The following NAV1 variants were observed in gnomAD, a reference collection of about 807,000 sequenced individuals.
NAV1 encodes the protein neuron navigator 1.
A neutral mutation model predicts 175.2 loss-of-function variants in NAV1; 18 were observed. The observed-to-expected ratio is 0.10, with a 90% CI of 0.07 to 0.15. NAV1 has a LOEUF of 0.15. Among genes scored for constraint, NAV1 ranks in the 10% least tolerant of loss-of-function variants. NAV1 has a pLI of 1.00. For synonymous variants in NAV1, 897 were observed against 978.7 expected (o/e 0.92, Z 1.56); for missense variants, 1,731 against 2,436.6 (o/e 0.71, Z 6.10).
intron 1 of NAV1, among the ~76,000 whole-genome samples, chr1:201,570,479 T>G (rs1558001372): frequency 6.6e-6 from 1 of 152,236 alleles, no homozygotes; most frequent in Non-Finnish European, 1.5e-5. Flanking sequence ...AGGCCTGCCC[T>G]GGGAGTACCT....
intron 3 of NAV1, among the ~76,000 whole-genome samples, chr1:201,757,615 C>T (rs1270252657): frequency 1.3e-5 from 2 of 152,228 alleles, no homozygotes; most frequent in African/African-American, 4.8e-5. Flanking sequence ...CCATACTCTA[C>T]ATCTCCAGTG....
chr1:201,701,353 G>A (rs1402415567), intron 1 of NAV1, among the ~76,000 whole-genome samples: 2 of 151,582 alleles, frequency 1.3e-5, no homozygotes, highest in African/African-American at 4.8e-5. Flanking sequence ...CATAGCACAT[G>A]TATACCTATG....
Position 201,718,554 on chromosome 1 carries a change from C to G in NAV1, c.1025C>G (p.Thr342Arg). 6.2e-7 allele frequency: 1 copy of G among 1,613,600 alleles called. No homozygotes were observed. The highest frequency in any genetic ancestry group is 8.5e-7 in the Non-Finnish European group (1 of 1,179,802). Residue 342 changes from threonine (T) to arginine (R), a missense_variant, in exon 3 of 30, where the codon ACG (threonine) becomes AGG (arginine). This residue lies in a region of NAV1 where 487 missense variants were observed against 581.3 expected (regional missense o/e 0.84). Coordinates refer to ENST00000367296, the Ensembl canonical transcript of NAV1. This position sits in a 1 kb window ranked among gnomAD's most constrained non-coding sequence, Gnocchi z 4.8. ...GGTGGGAGCTGCCGCTCGGAGGGGA[C>G]GCCCGCCTGGTACATGCACGGCGAA...
At position 201,588,451 on chromosome 1, in the gene NAV1, G is replaced by T. The variant is rs148898046; in HGVS notation, c.-143-88G>T. On this transcript the variant is annotated intron_variant, in intron 1 of 33. Coordinates refer to the NAV1 transcript ENST00000685211. ...CAGCCTCAAACTCCTGGGCTCAAGCGATCCTCCCACCTCAGCTTCCTGAGT... is the reference window on the plus strand; with the variant it reads ...CAGCCTCAAACTCCTGGGCTCAAGCTATCCTCCCACCTCAGCTTCCTGAGT... 1.5e-3 allele frequency among the ~76,000 whole-genome samples: 229 copies of T among 151,896 alleles called. 3 individuals carry two copies. Among genetic ancestry groups the T allele is most frequent in the African/African-American group, 5.3e-3 (219 of 41,408 alleles).
exon 1 of NAV1, chr1:201,648,846 A>T: frequency 6.2e-7 from 1 of 1,610,192 alleles, no homozygotes; most frequent in African/African-American, 1.3e-5. Context: ...GGCCAAGGCC[A>T]GCGCGGCTGA....
At chr1:201,622,146 T>G (rs3820433), upstream of NAV1, among the ~76,000 whole-genome samples, 23,219 of 116,030 alleles carry the variant, frequency 0.2, 3,310 homozygotes, top group African/African-American at 0.44. Flanking sequence ...AGTTTTGTCA[T>G]GGGGGGAGGT....
At chr1:201,674,481 A>G (rs1190123969) in intron 1 of NAV1, among the ~76,000 whole-genome samples, 2 of 152,136 alleles carry the variant, frequency 1.3e-5, no homozygotes, top group Non-Finnish European at 2.9e-5. Context: ...CCAGCAAAAC[A>G]TGTATGTTAG....
chr1:201,709,715 C>G (rs1424027687), intron 1 of NAV1, among the ~76,000 whole-genome samples: 1 of 152,180 alleles, frequency 6.6e-6, no homozygotes, highest in Admixed American at 6.5e-5. Context: ...CAGGGCCCCT[C>G]CAGCCTGGTA....
rs560134660 is a variant in NAV1 at position 201,740,838 on chromosome 1, C to T, written c.1226+22083C>T. Among the ~76,000 whole-genome samples, 1 of 152,094 alleles carries T rather than the reference C, an allele frequency of 6.6e-6. No individual in the cohort carries two copies. The highest frequency in any genetic ancestry group is 1.5e-5 in the Non-Finnish European group (1 of 68,004). ...CTGGCCCTGGGACTCTCTGAGCTGA[C>T]TTGGAAACTGCACTTCCAAGGGAGA... On this transcript the variant is annotated intron_variant, in intron 3 of 29. Coordinates refer to ENST00000367296, the Ensembl canonical transcript of NAV1. The surrounding 1 kb of genome is among the most constrained non-coding windows in gnomAD (Gnocchi z 4.7).
chr1:201,559,841 C>G (rs1394143420), intron 1 of NAV1, among the ~76,000 whole-genome samples: 4 of 152,230 alleles, frequency 2.6e-5, no homozygotes, highest in Admixed American at 1.3e-4. Context: ...CCAGAGGGTG[C>G]AGTTGCCCAG....
chr1:201,575,070 A>G (rs1666656789), intron 1 of NAV1, among the ~76,000 whole-genome samples: 1 of 152,216 alleles, frequency 6.6e-6, no homozygotes, highest in Non-Finnish European at 1.5e-5. Flanking sequence ...TTCAACCTAG[A>G]TGGTGCTTTC....
At chr1:201,727,890 G>A (rs930827215) in intron 3 of NAV1, among the ~76,000 whole-genome samples, 7 of 152,118 alleles carry the variant, frequency 4.6e-5, no homozygotes, top group East Asian at 3.9e-4. Context: ...TTGGGTCTGC[G>A]TTTCAAGCCT....
At chr1:201,756,242 C>T (rs1345939058) in intron 3 of NAV1, among the ~76,000 whole-genome samples, 4 of 150,974 alleles carry the variant, frequency 2.6e-5, no homozygotes, top group Non-Finnish European at 5.9e-5. Flanking sequence ...AAAAAATAAA[C>T]AAATATGGGC....
At chr1:201,551,748 C>T (rs192881408) in intron 1 of NAV1, among the ~76,000 whole-genome samples, 31 of 152,252 alleles carry the variant, frequency 2.0e-4, no homozygotes, top group African/African-American at 7.2e-4. Context: ...AAAAGTGTTA[C>T]GTTTTGAGGT....
chr1:201,715,688 C>T (rs950959137), intron 2 of NAV1, among the ~76,000 whole-genome samples: 1 of 152,230 alleles, frequency 6.6e-6, no homozygotes, highest in African/African-American at 2.4e-5. Flanking sequence ...AGAACACACA[C>T]AAGCTTCATC....
In NAV1 at chr1:201,585,413, T is replaced by C. The variant is rs141848457; in HGVS notation, c.-143-3126T>C. ...TGATCTACATGAACATAGGAAAGGC[T>C]CTGAGAAGCTCTTCATTCACAGACA... On this transcript the variant is annotated intron_variant, in intron 1 of 33. Transcript: ENST00000685211. Among the ~76,000 whole-genome samples, 656 of 152,174 alleles carry C rather than the reference T, an allele frequency of 4.3e-3. 3 individuals are homozygous for C. Among genetic ancestry groups the C allele is most frequent in the Non-Finnish European group, 6.9e-3 (468 of 68,016 alleles).
chr1:201,808,866 A>G lies in NAV1; in HGVS notation c.4202A>G (p.Asp1401Gly). ...CATTCCTTCGGCCCCAGTCTTGCAG[A>G]CACAGGTACCTGTGTGGGAGAAGAA... Residue 1401 changes from aspartate to glycine, a missense_variant, in exon 20 of 30, where the codon GAC becomes GGC. Asp to Gly is a moderately conservative substitution (Grantham distance 94). Around this residue, in one of 13 missense-constraint regions of NAV1, gnomAD observed 122 missense variants for 139.4 expected, o/e 0.88. Transcript: ENST00000367296. The surrounding 1 kb of genome is among the most constrained non-coding windows in gnomAD (Gnocchi z 5.5). 6.2e-7 allele frequency: 1 copy of G among 1,611,488 alleles called. No individual in the cohort carries two copies.
At chr1:201,586,419 A>G (rs1330892485) in intron 1 of NAV1, among the ~76,000 whole-genome samples, 3 of 152,236 alleles carry the variant, frequency 2.0e-5, no homozygotes, top group African/African-American at 7.2e-5. Flanking sequence ...TACTTAATCA[A>G]TACCACCTGT....
At chr1:201,642,128 CTCTT>C (rs978214697) in intron 2 of NAV1, among the ~76,000 whole-genome samples, 15 of 144,910 alleles carry the variant, frequency 1.0e-4, no homozygotes, top group African/African-American at 2.3e-4. Context: ...CCTTTCTTCT[CTCTT>C]TCTTTCTTTC....
Sources: gnomAD v4.1 joint callset for allele counts (sites outside exome capture counted in the v4.1 genomes callset) on GRCh38, gnomAD v4.1.1 for gene constraint, gnomAD v4.1.1 regional missense constraint, Gnocchi (gnomAD v3.1) non-coding constraint, MANE v1.5 for transcripts, NCBI Gene and HGNC (gene_info 2026-07-23, HGNC 2026-07-21) for gene names.